Variants in RGS6 observed in about 807,000 individuals in gnomAD.
The protein encoded by RGS6 is regulator of G-protein signaling 6.
A neutral mutation model predicts 78.5 loss-of-function variants in RGS6; 30 were observed. The observed-to-expected ratio is 0.38, with a 90% CI of 0.29 to 0.52. RGS6 has a LOEUF of 0.52. RGS6 is among the 20% of genes least tolerant of loss of function. The pLI, the probability that RGS6 is intolerant of heterozygous loss-of-function variation, is 0.85. For missense variants in RGS6, 495 were observed against 609.7 expected (o/e 0.81, Z 1.98); for synonymous variants, 206 against 206.0 (o/e 1.00, Z 0.00).
At chr14:72,557,598 T>A (rs572936003) in intron 17 of RGS6, among the ~76,000 whole-genome samples, 1 of 152,172 alleles carries the variant, frequency 6.6e-6, no homozygotes, top group African/African-American at 2.4e-5. Flanking sequence ...CACGTATACA[T>A]CCTTTATGAA....
chr14:72,237,797 C>CGTACTG (rs1346482649), intron 2 of RGS6, among the ~76,000 whole-genome samples: 1 of 151,874 alleles, frequency 6.6e-6, no homozygotes, highest in African/African-American at 2.4e-5. Flanking sequence ...GAATGAACCC[C>CGTACTG]GTACTGGTAC....
chr14:72,503,066 A>G (rs1414553008), intron 13 of RGS6, among the ~76,000 whole-genome samples: 6 of 152,194 alleles, frequency 3.9e-5, no homozygotes, highest in African/African-American at 1.2e-4. Context: ...TTCAAGGTCG[A>G]GATGCCACAG....
At chr14:71,947,868 G>A (rs926347949) in intron 1 of RGS6, among the ~76,000 whole-genome samples, 6 of 152,106 alleles carry the variant, frequency 3.9e-5, no homozygotes, top group Admixed American at 6.5e-5. Flanking sequence ...GAACAGTGAC[G>A]GATAAAACTA....
At chr14:72,333,034 A>C (rs1421064834) in intron 2 of RGS6, among the ~76,000 whole-genome samples, 3 of 152,122 alleles carry the variant, frequency 2.0e-5, no homozygotes, top group Non-Finnish European at 4.4e-5. Context: ...CATGGTATGG[A>C]GAACACAGCA....
At chr14:72,435,233 G>A (rs2094846682) in intron 3 of RGS6, among the ~76,000 whole-genome samples, 1 of 152,218 alleles carries the variant, frequency 6.6e-6, no homozygotes, top group Admixed American at 6.5e-5. Context: ...ATGGATTCAA[G>A]ATGTGGCCAG....
At chr14:72,047,790 C>T (rs1055445133) in intron 2 of RGS6, among the ~76,000 whole-genome samples, 39 of 151,634 alleles carry the variant, frequency 2.6e-4, no homozygotes, top group African/African-American at 7.3e-4. Context: ...TGCAATGGCG[C>T]GCTCAGTTCA....
At chr14:72,253,595 G>A (rs1279265383) in intron 2 of RGS6, among the ~76,000 whole-genome samples, 1 of 152,210 alleles carries the variant, frequency 6.6e-6, no homozygotes, top group East Asian at 1.9e-4. Context: ...CTTGTGGGCT[G>A]TAGTTTGCCC....
chr14:72,547,085 TGCAGGGCCCCCC>T (rs1005309425), intron 17 of RGS6: 20 of 1,268,292 alleles, frequency 1.6e-5, no homozygotes, highest in Non-Finnish European at 2.1e-5. Context: ...TGAAGGGGAG[TGCAGGGCCCCCC>T]GCAGGATAAA....
In RGS6 at chr14:71,962,047, A is replaced by G. The variant is rs1315402905; in HGVS notation, c.-20-2725A>G. 3.3e-5 allele frequency among the ~76,000 whole-genome samples: 5 copies of G among 152,376 alleles called. No individual in the cohort carries two copies. In the East Asian group the frequency reaches 7.7e-4, roughly 23 times the overall value. On this transcript the variant is annotated intron_variant, in intron 1 of 17. Transcript: ENST00000553525. ...TATAACATCTGTTGACCTATGGACTAGAAAGTATATTATTATTTTAGAAAT... is the reference window on the plus strand; with the variant it reads ...TATAACATCTGTTGACCTATGGACTGGAAAGTATATTATTATTTTAGAAAT...
At chr14:72,331,183 C>G (rs773166309) in intron 2 of RGS6, among the ~76,000 whole-genome samples, 1 of 150,962 alleles carries the variant, frequency 6.6e-6, no homozygotes, top group African/African-American at 2.5e-5. Context: ...TTCATTTTCT[C>G]TTAGCATCTG....
chr14:71,960,857 C>T (rs1005487798), intron 1 of RGS6, among the ~76,000 whole-genome samples: 5 of 152,194 alleles, frequency 3.3e-5, no homozygotes, highest in Non-Finnish European at 4.4e-5. Context: ...TTCTGCTCAT[C>T]TGTCACCTCC....
At chr14:72,544,994 T>C (rs559833802) in intron 17 of RGS6, among the ~76,000 whole-genome samples, 41 of 152,324 alleles carry the variant, frequency 2.7e-4, no homozygotes, top group African/African-American at 9.9e-4. Context: ...GCGGTGTTGT[T>C]TTCCCCTCCT....
chr14:72,308,496 G>A (rs1230757882), intron 2 of RGS6, among the ~76,000 whole-genome samples: 2 of 152,128 alleles, frequency 1.3e-5, no homozygotes, highest in East Asian at 1.9e-4. Flanking sequence ...CTAAAAATCG[G>A]TATGCTCAGA....
At chr14:71,965,125 G>T (rs558343389) in intron 2 of RGS6, among the ~76,000 whole-genome samples, 2 of 152,340 alleles carry the variant, frequency 1.3e-5, no homozygotes, top group South Asian at 2.1e-4. Context: ...AAGCAATGCA[G>T]ATGGGAAGAC....
Position 72,163,698 on chromosome 14 carries a change from C to T in RGS6, c.85-188397C>T, listed in dbSNP as rs566086771. ...AGGCGTTCGAGACCAGCCTGGCCAA[C>T]GTGGTGAAACCCCATCTCCACTAAA... On this transcript the variant is annotated intron_variant, in intron 2 of 17. Transcript: ENST00000553525. Among the ~76,000 whole-genome samples, 14 of 152,190 alleles carry T rather than the reference C, an allele frequency of 9.2e-5. No individual in the cohort carries two copies. In the South Asian group the frequency reaches 1.5e-3, roughly 16 times the overall value.
chr14:72,473,193 C>T (rs930994554), intron 9 of RGS6, among the ~76,000 whole-genome samples: 11 of 152,210 alleles, frequency 7.2e-5, no homozygotes, highest in Non-Finnish European at 1.3e-4. Flanking sequence ...CCTGTAATCC[C>T]AGCGCTTTGG....
intron 2 of RGS6, chr14:71,990,484 A>C: frequency 7.6e-6 from 3 of 396,570 alleles, no homozygotes; most frequent in South Asian, 5.6e-5. Flanking sequence ...GTTATTAACC[A>C]GGACAGCTGC....
intron 2 of RGS6, among the ~76,000 whole-genome samples, chr14:72,156,242 C>G (rs990284189): frequency 6.6e-6 from 1 of 151,932 alleles, no homozygotes; most frequent in Non-Finnish European, 1.5e-5. Flanking sequence ...GTCAAGAGTT[C>G]GAGAACAGCC....
chr14:72,159,103 A>G (rs559908364), intron 2 of RGS6, among the ~76,000 whole-genome samples: 14 of 152,306 alleles, frequency 9.2e-5, no homozygotes, highest in South Asian at 2.1e-4. Flanking sequence ...AAACTATTTA[A>G]CAAACTACGA....
Sources: allele counts gnomAD v4.1 joint callset (sites outside exome capture counted in the v4.1 genomes callset), GRCh38; gene constraint gnomAD v4.1.1; transcripts MANE v1.5; gene names NCBI Gene and HGNC (gene_info 2026-07-23, HGNC 2026-07-21).